The following DCAF17 variants were observed in gnomAD, a reference collection of about 807,000 sequenced individuals.
DCAF17 encodes the protein DDB1- and CUL4-associated factor 17.
DCAF17 carries 48 observed loss-of-function variants against 66.0 expected under a neutral mutation model. The ratio of observed to expected loss-of-function variants is 0.73; its 90% confidence interval spans 0.58 to 0.92. DCAF17 has a LOEUF of 0.92. DCAF17 is among the 40% of genes least tolerant of loss of function. The pLI, the probability that DCAF17 is intolerant of heterozygous loss-of-function variation, is 0.00. For missense variants in DCAF17, 562 were observed against 622.8 expected (o/e 0.90, Z 1.04); for synonymous variants, 206 against 214.6 (o/e 0.96, Z 0.35).
At chr2:171,438,858 TC>T (rs754018356) in intron 2 of DCAF17, among the ~76,000 whole-genome samples, 35 of 132,888 alleles carry the variant, frequency 2.6e-4, no homozygotes, top group Non-Finnish European at 4.8e-4. Context: ...CATCTCAGCC[TC>T]CCAAGTAGCT....
chr2:171,471,483 T>G (rs1346206511), intron 9 of DCAF17, among the ~76,000 whole-genome samples: 1 of 152,184 alleles, frequency 6.6e-6, no homozygotes, highest in African/African-American at 2.4e-5. Flanking sequence ...TAAAAAGATA[T>G]GTATAGTATG....
Position 171,481,336 on chromosome 2 carries a change from A to G in DCAF17, c.*222A>G. 1 of 624,630 alleles carries G rather than the reference A, an allele frequency of 1.6e-6. No individual in the cohort carries two copies. Among genetic ancestry groups the G allele is most frequent in the South Asian group, 1.5e-5 (1 of 66,158 alleles). 38.7% of individuals were successfully genotyped at this position (624,630 alleles called of 1,614,324 possible). On this transcript the variant is annotated 3_prime_UTR_variant, in exon 14 of 14. Transcript: ENST00000375255. ...TTTAGAATACTGTTCCAAGAAGTTT[A>G]GTGTTTTGCAGCTTTGAGCTAGGTG...
rs953206369 is a variant in DCAF17, at chr2:171,482,602, G to A, written c.*1488G>A. 1 of 453,886 alleles carries A rather than the reference G, an allele frequency of 2.2e-6. No individual in the cohort carries two copies. Among genetic ancestry groups the A allele is most frequent in the Admixed American group, 2.4e-5 (1 of 42,548 alleles). The allele number at this position is 453,886 out of a possible 1,614,324, so 28.1% of individuals were successfully genotyped here. ...AGCTGCAATGCTGTGTAAAAGTAGA[G>A]TGTTCATTCTCCATTTCCAAGAGTG... On this transcript the variant is annotated 3_prime_UTR_variant, in exon 14 of 14. Coordinates refer to ENST00000375255, the MANE Select transcript of DCAF17 (RefSeq NM_025000.4).
At chr2:171,479,721 G>A in intron 12 of DCAF17, 1 of 335,856 alleles carries the variant, frequency 3.0e-6, no homozygotes, top group East Asian at 7.9e-5. Flanking sequence ...AGAGGCAGCA[G>A]TTGAATACTC....
In DCAF17 at chr2:171,449,995, T is replaced by A. The variant is rs765317190; in HGVS notation, c.537+38T>A. ...AAACATTCAATAAAATGAAGACTCTTTTTCATAGGAATTTGTCTGCAGATT... is the reference window on the plus strand; with the variant it reads ...AAACATTCAATAAAATGAAGACTCTATTTCATAGGAATTTGTCTGCAGATT... On this transcript the variant is annotated intron_variant, in intron 5 of 13. Coordinates refer to ENST00000375255, the MANE Select transcript of DCAF17 (RefSeq NM_025000.4). The A allele has an allele frequency of 1.8e-5, 27 of 1,495,164 alleles. No homozygotes were observed. In the South Asian group the frequency reaches 2.6e-4, roughly 14 times the overall value. The allele number at this position is 1,495,164 out of a possible 1,614,324, so 92.6% of individuals were successfully genotyped here. A position where few individuals can be genotyped will look rare whatever the true frequency, so the allele number is the denominator to read the frequency against.
chr2:171,437,900 T>A (rs1574314506), intron 2 of DCAF17, among the ~76,000 whole-genome samples: 1 of 152,204 alleles, frequency 6.6e-6, no homozygotes, highest in East Asian at 1.9e-4. Context: ...TTTCTTTGCT[T>A]ACTTTGGATT....
chr2:171,457,076 CAA>C (rs1332473479), intron 6 of DCAF17, among the ~76,000 whole-genome samples: 1 of 152,050 alleles, frequency 6.6e-6, no homozygotes, highest in Non-Finnish European at 1.5e-5. Flanking sequence ...AGGGGAGTGA[CAA>C]GATGTCTTTT....
At chr2:171,460,539 TA>T (rs1416393205) in intron 8 of DCAF17, among the ~76,000 whole-genome samples, 43 of 147,654 alleles carry the variant, frequency 2.9e-4, no homozygotes, top group Admixed American at 4.9e-4. Flanking sequence ...TTATTATTAT[TA>T]TTAATTTTGA....
chr2:171,447,254 A>G (rs1196110729), intron 3 of DCAF17: 4 of 175,954 alleles, frequency 2.3e-5, no homozygotes, highest in Non-Finnish European at 4.9e-5. Flanking sequence ...TTGAAAGGCA[A>G]GACAAATTTT....
intron 8 of DCAF17, among the ~76,000 whole-genome samples, chr2:171,464,099 T>C (rs1695753640): frequency 6.6e-6 from 1 of 152,222 alleles, no homozygotes; most frequent in African/African-American, 2.4e-5. Context: ...CACACTCCAG[T>C]AATCTTAGAG....
At chr2:171,479,740 T>G (rs1334421394) in intron 12 of DCAF17, 3 of 347,938 alleles carry the variant, frequency 8.6e-6, no homozygotes, top group African/African-American at 6.4e-5. Context: ...TCTTTTAAAT[T>G]TAGAGAATCT....
At chr2:171,480,416 G>A (rs1559294528) in intron 13 of DCAF17, among the ~76,000 whole-genome samples, 1 of 152,174 alleles carries the variant, frequency 6.6e-6, no homozygotes, top group African/African-American at 2.4e-5. Context: ...AACTTCATGT[G>A]TTTTCCTGAG....
chr2:171,461,232 G>A (rs1695568188), intron 8 of DCAF17, among the ~76,000 whole-genome samples: 1 of 152,078 alleles, frequency 6.6e-6, no homozygotes, highest in African/African-American at 2.4e-5. Flanking sequence ...ATCACTTGAG[G>A]TCAGGAGTGC....
In DCAF17 at chr2:171,482,686, T is replaced by G. The variant is rs1204765269; in HGVS notation, c.*1572T>G. 2.2e-6 allele frequency: 1 copy of G among 453,714 alleles called. No individual in the cohort carries two copies. Among genetic ancestry groups the G allele is most frequent in the East Asian group, 6.9e-5 (1 of 14,396 alleles). The allele number at this position is 453,714 out of a possible 1,614,324, so 28.1% of individuals were successfully genotyped here. ...GTCAGAGATTTTTTTTTTTAGGTGATTATTGAGTTTCTCCTTCTCCTTTAA... is the reference window on the plus strand; with the variant it reads ...GTCAGAGATTTTTTTTTTTAGGTGAGTATTGAGTTTCTCCTTCTCCTTTAA... On this transcript the variant is annotated 3_prime_UTR_variant, in exon 14 of 14. Transcript: ENST00000375255.
chr2:171,441,604 A>G (rs1283726250), intron 2 of DCAF17, among the ~76,000 whole-genome samples: 1 of 152,104 alleles, frequency 6.6e-6, no homozygotes, highest in African/African-American at 2.4e-5. Context: ...CCCTCCTAGG[A>G]AGATAGCTCT....
intron 2 of DCAF17, among the ~76,000 whole-genome samples, chr2:171,436,633 A>AT (rs79275087): frequency 0.037 from 5,310 of 144,574 alleles, 104 homozygotes; most frequent in East Asian, 0.057. Flanking sequence ...CCACTTGTAA[A>AT]TTTTTTTTTT....
intron 1 of DCAF17, 144 bp from the exon 2 acceptor site, chr2:171,434,939 T>A: frequency 9.8e-7 from 1 of 1,017,414 alleles, no homozygotes; most frequent in Non-Finnish European, 1.4e-6. Flanking sequence ...GTCACCTCAT[T>A]AAGCCAAAAC....
intron 3 of DCAF17, among the ~76,000 whole-genome samples, chr2:171,448,217 G>A (rs1442916020): frequency 1.3e-5 from 2 of 151,938 alleles, no homozygotes; most frequent in African/African-American, 4.8e-5. Context: ...CTGCAGCCTT[G>A]ACCTCCCAGT....
chr2:171,445,201 T>G (rs1694545931), intron 3 of DCAF17, among the ~76,000 whole-genome samples: 1 of 152,062 alleles, frequency 6.6e-6, no homozygotes, highest in Non-Finnish European at 1.5e-5. Context: ...CTCCACTCAC[T>G]GCAACCTCTG....
Sources: gnomAD v4.1 joint callset for allele counts (sites outside exome capture counted in the v4.1 genomes callset) on GRCh38, gnomAD v4.1.1 for gene constraint, MANE v1.5 for transcripts, NCBI Gene and HGNC (gene_info 2026-07-23, HGNC 2026-07-21) for gene names.